The following AUH variants were observed in gnomAD, a reference collection of about 807,000 sequenced individuals.
AUH encodes AU RNA binding methylglutaconyl-CoA hydratase, also known as methylglutaconyl-CoA hydratase, mitochondrial.
A neutral mutation model predicts 42.3 loss-of-function variants in AUH; 29 were observed. The ratio of observed to expected loss-of-function variants is 0.69; its 90% CI spans 0.51 to 0.93. AUH has a LOEUF of 0.93. AUH is among the 40% of genes least tolerant of loss of function. AUH has a pLI of 0.00. For synonymous variants in AUH, 174 were observed against 166.4 expected, an observed-to-expected ratio of 1.05 and a Z score of -0.35; for missense variants, 452 against 438.1, an observed-to-expected ratio of 1.03 and a Z score of -0.28.
Position 91,232,201 on chromosome 9 carries a change from G to A in AUH, c.656-11209C>T, listed in dbSNP as rs145753902. Among the ~76,000 whole-genome samples the A allele has an allele frequency of 1.4e-3, 208 of 152,072 alleles. 2 individuals carry two copies. The highest frequency in any genetic ancestry group is 4.7e-3 in the African/African-American group (197 of 41,502). On this transcript the variant is annotated intron_variant, in intron 6 of 9. Transcript: ENST00000375731. ...GGAGTTTGAGACCAGCCTGGCCAACGTAACAAGACTCTGTCTCTACCACAC... is the reference window on the plus strand; with the variant it reads ...GGAGTTTGAGACCAGCCTGGCCAACATAACAAGACTCTGTCTCTACCACAC...
At chr9:91,299,469 G>A (rs1194142428) in intron 4 of AUH, among the ~76,000 whole-genome samples, 8 of 152,136 alleles carry the variant, frequency 5.3e-5, no homozygotes, top group African/African-American at 1.9e-4. Flanking sequence ...GAGCAGGCGT[G>A]GAAGGGGCTT....
chr9:91,354,505 G>A (rs555506166), intron 3 of AUH, among the ~76,000 whole-genome samples: 1 of 152,306 alleles, frequency 6.6e-6, no homozygotes, highest in South Asian at 2.1e-4. Flanking sequence ...TCCACAAACT[G>A]TGCTAAAGCA....
At chr9:91,227,061 T>C (rs1827542333) in intron 6 of AUH, among the ~76,000 whole-genome samples, 1 of 151,740 alleles carries the variant, frequency 6.6e-6, no homozygotes, top group African/African-American at 2.4e-5. Context: ...ATATGAACTT[T>C]AAAGTAGTTT....
chr9:91,279,379 T>G (rs1825793255), intron 6 of AUH, among the ~76,000 whole-genome samples: 1 of 152,196 alleles, frequency 6.6e-6, no homozygotes, highest in Non-Finnish European at 1.5e-5. Context: ...AGATGGGATT[T>G]CCAACAGTAT....
chr9:91,358,304 A>G (rs574402624), intron 1 of AUH, among the ~76,000 whole-genome samples: 191 of 152,328 alleles, frequency 1.3e-3, no homozygotes, highest in Non-Finnish European at 2.2e-3. Flanking sequence ...GTTTTTAATT[A>G]AAGTGAATCT....
intron 6 of AUH, among the ~76,000 whole-genome samples, chr9:91,238,848 T>A (rs1828337514): frequency 6.6e-6 from 1 of 152,220 alleles, no homozygotes; most frequent in South Asian, 2.1e-4. Context: ...ATCTCCTGTA[T>A]TCCCTGCTGC....
intron 4 of AUH, among the ~76,000 whole-genome samples, chr9:91,321,336 T>A (rs537469536): frequency 6.6e-6 from 1 of 152,358 alleles, no homozygotes; most frequent in South Asian, 2.1e-4. Context: ...TATGCTATTT[T>A]TTCTCTTTAC....
At chr9:91,358,264 G>A (rs1343718910) in intron 1 of AUH, among the ~76,000 whole-genome samples, 8 of 152,270 alleles carry the variant, frequency 5.3e-5, no homozygotes, top group Middle Eastern at 6.8e-3. Flanking sequence ...CCAAGGTGAG[G>A]GTGGAGGGGA....
chr9:91,330,087 G>C (rs190866295), intron 3 of AUH, among the ~76,000 whole-genome samples: 30 of 152,118 alleles, frequency 2.0e-4, no homozygotes, highest in African/African-American at 7.0e-4. Flanking sequence ...ATAGCCTAAA[G>C]AATTTTCAAA....
chr9:91,218,864 C>T, intron 7 of AUH: 2 of 985,442 alleles, frequency 2.0e-6, no homozygotes, highest in Non-Finnish European at 2.4e-6. Flanking sequence ...ACTCAAACTT[C>T]ATTTGGTGAC....
intron 4 of AUH, among the ~76,000 whole-genome samples, chr9:91,321,384 G>C (rs1829558592): frequency 6.6e-6 from 1 of 151,662 alleles, no homozygotes; most frequent in African/African-American, 2.4e-5. Context: ...TTTGGTTTTT[G>C]TTTTGTTTTT....
chr9:91,345,964 T>C (rs754736145), intron 3 of AUH, among the ~76,000 whole-genome samples: 2 of 151,784 alleles, frequency 1.3e-5, no homozygotes, highest in East Asian at 1.9e-4. Context: ...GCTGGGAGAA[T>C]TGAAAATGCA....
chr9:91,216,927 A>G (rs779296202), intron 8 of AUH, among the ~76,000 whole-genome samples: 2 of 152,228 alleles, frequency 1.3e-5, no homozygotes, highest in Non-Finnish European at 2.9e-5. Context: ...TTTGTATAAT[A>G]TAATACTGAT....
rs1406925265 is a variant in AUH, at chr9:91,294,824, G to C, written c.655+1197C>G. 6.6e-6 allele frequency: 3 copies of C among 453,002 alleles called. No homozygotes were observed. In the Admixed American group the frequency reaches 7.1e-5, roughly 11 times the overall value. The allele number at this position is 453,002 out of a possible 1,614,324, so 28.1% of individuals were successfully genotyped here. A position where few individuals can be genotyped will look rare whatever the true frequency, so the allele number is the denominator to read the frequency against. On this transcript the variant is annotated intron_variant, in intron 6 of 9. Coordinates refer to ENST00000375731, the MANE Select transcript of AUH (RefSeq NM_001698.3). Reference sequence around the variant, plus strand: ...TACAGATGTGGTGGAAAGAGCAAGAGAAATAGAATTAGAAGAGTAACCTGA... The same window carrying C: ...TACAGATGTGGTGGAAAGAGCAAGACAAATAGAATTAGAAGAGTAACCTGA...
intron 6 of AUH, among the ~76,000 whole-genome samples, chr9:91,221,924 A>G (rs1419296066): frequency 2.0e-5 from 3 of 152,206 alleles, no homozygotes; most frequent in South Asian, 4.1e-4. Flanking sequence ...CTCAATGTCT[A>G]CCAAGAAGAA....
intron 6 of AUH, among the ~76,000 whole-genome samples, chr9:91,237,377 T>C (rs1217573726): frequency 2.0e-5 from 3 of 152,194 alleles, no homozygotes; most frequent in African/African-American, 7.2e-5. Flanking sequence ...GTGAATGGCT[T>C]TGACTCACTG....
At chr9:91,256,980 T>C (rs189308112) in intron 6 of AUH, among the ~76,000 whole-genome samples, 1 of 152,114 alleles carries the variant, frequency 6.6e-6, no homozygotes, top group Non-Finnish European at 1.5e-5. Context: ...CCCAAACTTG[T>C]AGGTATTCTT....
chr9:91,238,610 A>T (rs1828322728), intron 6 of AUH, among the ~76,000 whole-genome samples: 1 of 152,240 alleles, frequency 6.6e-6, no homozygotes, highest in South Asian at 2.1e-4. Flanking sequence ...TATCACTTGG[A>T]TAGAATAAAG....
chr9:91,232,211 T>C (rs1423630721), intron 6 of AUH, among the ~76,000 whole-genome samples: 2 of 151,950 alleles, frequency 1.3e-5, no homozygotes, highest in East Asian at 1.9e-4. Flanking sequence ...GTAACAAGAC[T>C]CTGTCTCTAC....
Sources: gnomAD v4.1 joint callset for allele counts (sites outside exome capture counted in the v4.1 genomes callset) on GRCh38, gnomAD v4.1.1 for gene constraint, MANE v1.5 for transcripts, NCBI Gene and HGNC (gene_info 2026-07-23, HGNC 2026-07-21) for gene names.